RAD51B: variants seen among roughly 807,000 people sequenced by gnomAD.
RAD51B encodes the protein DNA repair protein RAD51 homolog 2.
Under a neutral mutation model 42.2 loss-of-function variants are expected in RAD51B, and 38 were observed. That is an observed-to-expected ratio of 0.90 (90% CI 0.70 to 1.18). The LOEUF is 1.18. Ranked by LOEUF, RAD51B falls within the 50% of genes most tolerant of loss-of-function variation. The probability of loss-of-function intolerance (pLI) is 0.00; values close to 1 mark genes in which losing one functional copy is unlikely to be tolerated. For synonymous variants in RAD51B, 154 were observed against 145.2 expected, an observed-to-expected ratio of 1.06 and a Z score of -0.43; for missense variants, 373 against 400.7, an observed-to-expected ratio of 0.93 and a Z score of 0.59.
intron 10 of RAD51B, chr14:68,497,160 C>G: frequency 7.1e-7 from 1 of 1,400,292 alleles, no homozygotes; most frequent in Non-Finnish European, 9.6e-7. Flanking sequence ...AATGTGCAAA[C>G]CTGTTCATCT....
intron 7 of RAD51B, among the ~76,000 whole-genome samples, chr14:67,958,624 C>T (rs916946138): frequency 2.6e-5 from 4 of 152,114 alleles, no homozygotes; most frequent in African/African-American, 9.7e-5. Flanking sequence ...CATTCCTTTT[C>T]TTATTTGGGA....
At chr14:67,915,634 G>T (rs945194894) in intron 7 of RAD51B, among the ~76,000 whole-genome samples, 2 of 152,158 alleles carry the variant, frequency 1.3e-5, no homozygotes, top group African/African-American at 4.8e-5. Flanking sequence ...GAAAGGGCTT[G>T]CCCCAGCTTT....
chr14:68,673,554 A>G (rs1210786861), intron 11 of RAD51B, among the ~76,000 whole-genome samples: 9 of 151,978 alleles, frequency 5.9e-5, no homozygotes, highest in African/African-American at 1.7e-4. Context: ...ATATGTACAC[A>G]CATATGTATG....
At chr14:67,927,799 T>C (rs1419833942) in intron 7 of RAD51B, among the ~76,000 whole-genome samples, 2 of 144,568 alleles carry the variant, frequency 1.4e-5, no homozygotes, top group East Asian at 3.9e-4. Flanking sequence ...TGTGTGTCTT[T>C]TATGGTTCCA....
At chr14:68,270,774 AC>A (rs1424542734) in intron 7 of RAD51B, among the ~76,000 whole-genome samples, 18 of 152,074 alleles carry the variant, frequency 1.2e-4, no homozygotes, top group African/African-American at 4.3e-4. Flanking sequence ...TACCAACCTT[AC>A]CATTTCCATC....
intron 8 of RAD51B, among the ~76,000 whole-genome samples, chr14:68,326,038 C>T (rs112846040): frequency 0.049 from 3,929 of 80,262 alleles, 604 homozygotes; most frequent in South Asian, 0.082. Flanking sequence ...TTTTTCTTTT[C>T]TTTTTTTTTT....
intron 8 of RAD51B, among the ~76,000 whole-genome samples, chr14:68,388,517 C>CA (rs2083659812): frequency 6.6e-6 from 1 of 152,178 alleles, no homozygotes; most frequent in African/African-American, 2.4e-5. Context: ...AGACATATAT[C>CA]ACCAATCAAG....
At chr14:68,083,612 G>T (rs931906387) in intron 7 of RAD51B, among the ~76,000 whole-genome samples, 6 of 152,078 alleles carry the variant, frequency 3.9e-5, no homozygotes, top group Non-Finnish European at 8.8e-5. Context: ...GTAGAAAAAA[G>T]CCATTAGAAC....
chr14:68,417,494 G>A (rs1193261074), intron 9 of RAD51B, among the ~76,000 whole-genome samples: 1 of 152,196 alleles, frequency 6.6e-6, no homozygotes, highest in East Asian at 1.9e-4. Context: ...TGCTCTAACA[G>A]GTATTAAGTG....
chr14:68,492,306 C>T (rs989699342), intron 10 of RAD51B, among the ~76,000 whole-genome samples: 1 of 152,206 alleles, frequency 6.6e-6, no homozygotes. Flanking sequence ...ATCAATAGCT[C>T]ACAATGTTTA....
intron 7 of RAD51B, among the ~76,000 whole-genome samples, chr14:68,279,479 C>T (rs1299164031): frequency 1.3e-5 from 2 of 152,110 alleles, no homozygotes; most frequent in Non-Finnish European, 2.9e-5. Flanking sequence ...CAGGAACAGC[C>T]ATAAACCCTC....
At chr14:68,072,157 T>TA (rs1168680116) in intron 7 of RAD51B, among the ~76,000 whole-genome samples, 1 of 131,278 alleles carries the variant, frequency 7.6e-6, no homozygotes, top group Non-Finnish European at 1.6e-5. Context: ...TTTATATATA[T>TA]TTTTTTCTAG....
At chr14:68,490,769 A>G (rs1428218730) in intron 10 of RAD51B, among the ~76,000 whole-genome samples, 2 of 152,154 alleles carry the variant, frequency 1.3e-5, no homozygotes, top group Non-Finnish European at 2.9e-5. Flanking sequence ...TGAGAGGGGA[A>G]GGGTGGAGAG....
intron 10 of RAD51B, among the ~76,000 whole-genome samples, chr14:68,488,441 C>A (rs1435411525): frequency 1.3e-5 from 2 of 152,148 alleles, no homozygotes; most frequent in African/African-American, 4.8e-5. Flanking sequence ...CAACCTTGGG[C>A]TCTGTCCTTG....
chr14:68,251,942 G>T (rs887604260), intron 7 of RAD51B, among the ~76,000 whole-genome samples: 1 of 152,182 alleles, frequency 6.6e-6, no homozygotes, highest in African/African-American at 2.4e-5. Flanking sequence ...AGATTGACCT[G>T]TCTGCCATTT....
intron 7 of RAD51B, among the ~76,000 whole-genome samples, chr14:67,970,615 T>G (rs2140249424): frequency 6.6e-6 from 1 of 152,246 alleles, no homozygotes; most frequent in Non-Finnish European, 1.5e-5. Flanking sequence ...GCCACTTTAC[T>G]TGAATTCTAA....
intron 7 of RAD51B, among the ~76,000 whole-genome samples, chr14:67,899,136 G>T (rs917954711): frequency 1.3e-5 from 2 of 151,858 alleles, no homozygotes; most frequent in African/African-American, 4.8e-5. Context: ...TCCGCCTCCC[G>T]GGCTCATGCT....
intron 7 of RAD51B, among the ~76,000 whole-genome samples, chr14:68,246,344 A>T (rs2080499650): frequency 6.6e-6 from 1 of 152,182 alleles, no homozygotes; most frequent in Non-Finnish European, 1.5e-5. Flanking sequence ...TAGAAGTTCC[A>T]GTAGACAGGG....
intron 10 of RAD51B, among the ~76,000 whole-genome samples, chr14:68,584,374 G>A (rs1424882537): frequency 6.6e-6 from 1 of 152,156 alleles, no homozygotes; most frequent in African/African-American, 2.4e-5. Flanking sequence ...ACCTCTTATA[G>A]CCAGGGTGTT....
Sources: allele counts gnomAD v4.1 joint callset (sites outside exome capture counted in the v4.1 genomes callset), GRCh38; gene constraint gnomAD v4.1.1; transcripts MANE v1.5; gene names NCBI Gene and HGNC (gene_info 2026-07-23, HGNC 2026-07-21).